Variants in RGS7 observed in about 807,000 individuals in gnomAD.
RGS7 encodes regulator of G-protein signaling 7.
RGS7 carries 27 observed loss-of-function variants against 81.1 expected under a neutral mutation model. The observed-to-expected ratio is 0.33, with a 90% CI of 0.25 to 0.46. RGS7 has a LOEUF of 0.46. Among genes scored for constraint, RGS7 ranks in the 20% least tolerant of loss-of-function variants. The pLI is 1.00. For missense variants in RGS7, 396 were observed against 607.4 expected (o/e 0.65, Z 3.66); for synonymous variants, 208 against 207.7 (o/e 1.00, Z -0.01).
At position 241,013,368 on chromosome 1, in the gene RGS7, C is replaced by A. The variant is rs2059069012; in HGVS notation, c.176-30239G>T. On this transcript the variant is annotated intron_variant, in intron 3 of 18. Transcript: ENST00000440928. Reference sequence around the variant, plus strand: ...ATGAGCCACCGCACCTGGCCCTGATCCCTGCTTCGAGTCTCACACTTTGTG... The same window carrying A: ...ATGAGCCACCGCACCTGGCCCTGATACCTGCTTCGAGTCTCACACTTTGTG... Among the ~76,000 whole-genome samples, 5 of 152,218 alleles carry A rather than the reference C, an allele frequency of 3.3e-5. No homozygotes were observed. The South Asian group carries it at 1.0e-3, about 32-fold the overall frequency.
At chr1:241,071,143 A>C (rs1171043213) in intron 3 of RGS7, among the ~76,000 whole-genome samples, 2 of 152,142 alleles carry the variant, frequency 1.3e-5, no homozygotes, top group African/African-American at 4.8e-5. Context: ...CTCTTCATTT[A>C]ATTTTCCTAT....
intron 3 of RGS7, among the ~76,000 whole-genome samples, chr1:241,036,691 T>C (rs1332902428): frequency 6.6e-6 from 1 of 152,234 alleles, no homozygotes; most frequent in East Asian, 1.9e-4. Context: ...GAACAAGGAT[T>C]AGATGGTTTG....
At chr1:241,231,063 C>T (rs1048683551) in intron 2 of RGS7, among the ~76,000 whole-genome samples, 16 of 152,288 alleles carry the variant, frequency 1.1e-4, no homozygotes, top group East Asian at 1.9e-4. Flanking sequence ...AAGTTCTCCA[C>T]CCTTTTCTCC....
chr1:241,327,122 GA>G (rs1197656382), intron 2 of RGS7, among the ~76,000 whole-genome samples: 2 of 110,172 alleles, frequency 1.8e-5, no homozygotes, highest in East Asian at 5.0e-4. Flanking sequence ...AAGAAAGAAA[GA>G]AAGAAAGAAA....
intron 2 of RGS7, among the ~76,000 whole-genome samples, chr1:241,270,283 G>C (rs959814921): frequency 3.3e-5 from 5 of 151,974 alleles, no homozygotes; most frequent in Admixed American, 6.6e-5. Context: ...TGGGGCTCTC[G>C]GTCTAGGATA....
chr1:240,953,648 A>T (rs1679905306), intron 4 of RGS7, among the ~76,000 whole-genome samples: 1 of 152,002 alleles, frequency 6.6e-6, no homozygotes, highest in Non-Finnish European at 1.5e-5. Flanking sequence ...TACAAGAAAG[A>T]TACAAAATTA....
chr1:241,208,888 A>G (rs1370113843), intron 2 of RGS7, among the ~76,000 whole-genome samples: 1 of 152,194 alleles, frequency 6.6e-6, no homozygotes, highest in African/African-American at 2.4e-5. Context: ...GACTGTTTTA[A>G]CTGCTTATCC....
chr1:241,327,141 AGAAAG>A (rs1394062802), intron 2 of RGS7, among the ~76,000 whole-genome samples: 20 of 78,776 alleles, frequency 2.5e-4, no homozygotes, highest in African/African-American at 5.3e-4. Context: ...AAAGAAAGAA[AGAAAG>A]GAAAGAAAGA....
At chr1:241,004,597 A>T (rs1269208917) in intron 3 of RGS7, among the ~76,000 whole-genome samples, 4 of 152,154 alleles carry the variant, frequency 2.6e-5, no homozygotes, top group African/African-American at 9.7e-5. Flanking sequence ...GATATAGAGG[A>T]AATTGTCCAT....
chr1:240,911,995 A>T (rs1671829660), intron 6 of RGS7, among the ~76,000 whole-genome samples: 1 of 151,514 alleles, frequency 6.6e-6, no homozygotes, highest in Non-Finnish European at 1.5e-5. Flanking sequence ...CCAAAAAAAA[A>T]AAAAAATTAG....
At chr1:241,232,051 A>G (rs1228171336) in intron 2 of RGS7, among the ~76,000 whole-genome samples, 1 of 152,192 alleles carries the variant, frequency 6.6e-6, no homozygotes, top group African/African-American at 2.4e-5. Flanking sequence ...TGGATATATA[A>G]TTGTCCCAGC....
At chr1:241,298,568 T>G (rs919959963) in intron 2 of RGS7, among the ~76,000 whole-genome samples, 16 of 152,170 alleles carry the variant, frequency 1.1e-4, no homozygotes, top group Admixed American at 1.0e-3. Flanking sequence ...ATTGCTTCAT[T>G]GAACTAAAAG....
chr1:240,908,502 C>T (rs912631151), intron 6 of RGS7, among the ~76,000 whole-genome samples: 3 of 152,120 alleles, frequency 2.0e-5, no homozygotes, highest in Admixed American at 1.3e-4. Flanking sequence ...AATCAATCAA[C>T]GTCTTTCCTA....
chr1:240,983,567 C>T (rs1164906819), intron 3 of RGS7, among the ~76,000 whole-genome samples: 1 of 152,118 alleles, frequency 6.6e-6, no homozygotes, highest in East Asian at 1.9e-4. Context: ...GGTTTTCGAA[C>T]CCTCTTACGT....
chr1:241,127,288 A>G (rs545472772), intron 2 of RGS7, among the ~76,000 whole-genome samples: 1 of 152,342 alleles, frequency 6.6e-6, no homozygotes, highest in Non-Finnish European at 1.5e-5. Context: ...AACAATATAA[A>G]AAGTAACCAT....
intron 3 of RGS7, among the ~76,000 whole-genome samples, chr1:241,025,554 G>T (rs2059741083): frequency 6.6e-6 from 1 of 152,090 alleles, no homozygotes; most frequent in South Asian, 2.1e-4. Context: ...ACTGCCTAGG[G>T]GCTGTGCAGG....
At chr1:240,810,814 C>G (rs1689721143) in intron 14 of RGS7, among the ~76,000 whole-genome samples, 1 of 152,150 alleles carries the variant, frequency 6.6e-6, no homozygotes, top group Admixed American at 6.6e-5. Context: ...TATTAGTAGT[C>G]TCAATACAGA....
chr1:241,237,349 G>T (rs2076035445), intron 2 of RGS7, among the ~76,000 whole-genome samples: 1 of 152,246 alleles, frequency 6.6e-6, no homozygotes, highest in Non-Finnish European at 1.5e-5. Flanking sequence ...TCATAAAAAT[G>T]GTCCTAGGCA....
chr1:241,187,013 A>G (rs1040955924), intron 2 of RGS7, among the ~76,000 whole-genome samples: 6 of 152,182 alleles, frequency 3.9e-5, no homozygotes, highest in African/African-American at 1.4e-4. Flanking sequence ...CAAATCCTAC[A>G]TACTTCTCCA....
Sources: allele counts gnomAD v4.1 joint callset (sites outside exome capture counted in the v4.1 genomes callset), GRCh38; gene constraint gnomAD v4.1.1; transcripts MANE v1.5; gene names NCBI Gene and HGNC (gene_info 2026-07-23, HGNC 2026-07-21).